DSCAM: variants seen among roughly 807,000 people sequenced by gnomAD.
The protein encoded by DSCAM is DS cell adhesion molecule, also known as cell adhesion molecule DSCAM.
Under a neutral mutation model 217.7 loss-of-function variants are expected in DSCAM, and 47 were observed. That is an observed-to-expected ratio of 0.22 (90% CI 0.17 to 0.28). The LOEUF (loss-of-function observed/expected upper bound fraction) is 0.28, where lower values mean the gene tolerates loss of function less well. Among genes scored for constraint, DSCAM ranks in the 10% least tolerant of loss-of-function variants. DSCAM has a pLI of 1.00. For synonymous variants in DSCAM, 1,056 were observed against 1,015.3 expected (o/e 1.04, Z -0.76); for missense variants, 2,080 against 2,618.3 (o/e 0.79, Z 4.49).
At chr21:40,750,409 T>C (rs2091216506) in intron 1 of DSCAM, among the ~76,000 whole-genome samples, 1 of 152,216 alleles carries the variant, frequency 6.6e-6, no homozygotes, top group African/African-American at 2.4e-5. Context: ...TGCTGCTTTT[T>C]CTAAGTCTCT....
At chr21:40,145,581 A>T (rs2090345376) in intron 16 of DSCAM, among the ~76,000 whole-genome samples, 1 of 152,132 alleles carries the variant, frequency 6.6e-6, no homozygotes, top group East Asian at 1.9e-4. Context: ...GCGGTGGCTC[A>T]CACCTGTAAT....
At chr21:40,775,433 A>C (rs1376898155) in intron 1 of DSCAM, among the ~76,000 whole-genome samples, 2 of 152,164 alleles carry the variant, frequency 1.3e-5, no homozygotes, top group African/African-American at 4.8e-5. Context: ...TTACCGTATG[A>C]ATCTGGGTGG....
intron 14 of DSCAM, 119 bp downstream of exon 14, chr21:40,187,012 G>A: frequency 8.0e-7 from 1 of 1,257,564 alleles, no homozygotes; most frequent in Non-Finnish European, 1.1e-6. Flanking sequence ...TGGGGGAAGT[G>A]GTGCCCTCTG....
intron 3 of DSCAM, among the ~76,000 whole-genome samples, chr21:40,426,589 T>C (rs566829232): frequency 5.6e-4 from 86 of 152,352 alleles, no homozygotes; most frequent in African/African-American, 2.1e-3. Context: ...ATTTATTTTG[T>C]TTTTAGATGT....
chr21:40,154,842 G>C (rs1568971516), intron 16 of DSCAM, among the ~76,000 whole-genome samples: 1 of 152,212 alleles, frequency 6.6e-6, no homozygotes, highest in Non-Finnish European at 1.5e-5. Flanking sequence ...ACTGTCTTGA[G>C]AGCCAAGAAT....
chr21:40,176,716 G>T lies in DSCAM; in HGVS notation c.2947+2211C>A, dbSNP rs532592295. ...TAGCTCCTCTGAATATTAAAGGAGA[G>T]GGGCTGTGTGGGGCTGCCACAGCCA... On this transcript the variant is annotated intron_variant, in intron 15 of 32. Coordinates refer to ENST00000400454, the MANE Select transcript of DSCAM (RefSeq NM_001389.5). 1.4e-4 allele frequency among the ~76,000 whole-genome samples: 22 copies of T among 152,334 alleles called. No individual in the cohort carries two copies. In the South Asian group the frequency reaches 4.6e-3, roughly 32 times the overall value.
chr21:40,066,117 G>A (rs1335926124), intron 27 of DSCAM, among the ~76,000 whole-genome samples: 2 of 152,148 alleles, frequency 1.3e-5, no homozygotes, highest in Non-Finnish European at 2.9e-5. Flanking sequence ...GGTTCCCTCC[G>A]CTTCCCTGGA....
At chr21:40,325,792 C>T (rs527873642) in intron 8 of DSCAM, among the ~76,000 whole-genome samples, 12 of 152,238 alleles carry the variant, frequency 7.9e-5, no homozygotes, top group African/African-American at 2.9e-4. Flanking sequence ...GGAACTGGGA[C>T]CTCTAATGCA....
chr21:40,361,749 C>T (rs1015419846), intron 4 of DSCAM, among the ~76,000 whole-genome samples: 7 of 152,206 alleles, frequency 4.6e-5, no homozygotes, highest in Admixed American at 2.6e-4. Flanking sequence ...GTCAGTATTA[C>T]ATAATATCAA....
chr21:40,406,407 C>T (rs959930747), intron 3 of DSCAM, among the ~76,000 whole-genome samples: 5 of 152,134 alleles, frequency 3.3e-5, no homozygotes, highest in Admixed American at 6.5e-5. Flanking sequence ...CCTGTGTCCA[C>T]CAAAGCATTA....
At chr21:40,026,330 G>GA (rs1389447383) in intron 32 of DSCAM, among the ~76,000 whole-genome samples, 4 of 142,728 alleles carry the variant, frequency 2.8e-5, no homozygotes, top group Admixed American at 1.4e-4. Context: ...GTGTGGTGCT[G>GA]AAAAAAATGT....
intron 1 of DSCAM, among the ~76,000 whole-genome samples, chr21:40,749,054 A>AT (rs1253531400): frequency 2.6e-5 from 4 of 152,146 alleles, no homozygotes; most frequent in Non-Finnish European, 5.9e-5. Flanking sequence ...CTAGATCACT[A>AT]TCTCCATATT....
chr21:40,102,469 C>T (rs1176832490), intron 20 of DSCAM, among the ~76,000 whole-genome samples: 1 of 151,494 alleles, frequency 6.6e-6, no homozygotes. Context: ...GCACAGTTTA[C>T]TCTTCCAGTC....
chr21:40,630,275 C>T (rs1039719780), intron 3 of DSCAM, among the ~76,000 whole-genome samples: 1 of 152,134 alleles, frequency 6.6e-6, no homozygotes, highest in African/African-American at 2.4e-5. Context: ...TTGGATAAAA[C>T]CCGAATTTGC....
chr21:40,082,648 A>G (rs563576627), intron 24 of DSCAM, among the ~76,000 whole-genome samples: 2 of 151,790 alleles, frequency 1.3e-5, no homozygotes, highest in South Asian at 4.2e-4. Context: ...ATCCACAGAC[A>G]CATCCTCACC....
At chr21:40,508,322 T>C (rs2076225310) in intron 3 of DSCAM, among the ~76,000 whole-genome samples, 1 of 152,174 alleles carries the variant, frequency 6.6e-6, no homozygotes, top group Admixed American at 6.5e-5. Flanking sequence ...ACAGCCACAC[T>C]GCACCCACAC....
intron 27 of DSCAM, among the ~76,000 whole-genome samples, chr21:40,072,989 T>C (rs1429565236): frequency 6.6e-6 from 1 of 152,150 alleles, no homozygotes; most frequent in Non-Finnish European, 1.5e-5. Flanking sequence ...CCCCAGGATG[T>C]TTTCTGGAGA....
rs577072127 is a variant in DSCAM at position 40,662,052 on chromosome 21, G to A, written c.508+30758C>T. 5.9e-5 allele frequency among the ~76,000 whole-genome samples: 9 copies of A among 152,262 alleles called. No individual in the cohort carries two copies. In the Middle Eastern group the frequency reaches 0.01, roughly 173 times the overall value. On this transcript the variant is annotated intron_variant, in intron 3 of 32. Coordinates refer to ENST00000400454, the MANE Select transcript of DSCAM (RefSeq NM_001389.5). ...AACATGCCCAGCCTTGTGGCAGCCC[G>A]TGGGCATCAGCACTGGGTGTGTAAT... is the stretch of plus-strand genomic sequence containing the variant.
At chr21:40,765,352 C>G (rs571163336) in intron 1 of DSCAM, among the ~76,000 whole-genome samples, 1 of 142,248 alleles carries the variant, frequency 7.0e-6, no homozygotes, top group African/African-American at 2.4e-5. Context: ...GCACTTCCTC[C>G]TCCTCCTCTG....
Sources: gnomAD v4.1 joint callset for allele counts (sites outside exome capture counted in the v4.1 genomes callset) on GRCh38, gnomAD v4.1.1 for gene constraint, MANE v1.5 for transcripts, NCBI Gene and HGNC (gene_info 2026-07-23, HGNC 2026-07-21) for gene names.